The following CCDC177 variants were observed in gnomAD, a reference collection of about 807,000 sequenced individuals.
CCDC177 encodes the protein coiled-coil domain containing 177.
A neutral mutation model predicts 7.3 loss-of-function variants in CCDC177; 2 were observed. The observed-to-expected ratio is 0.28, with a 90% confidence interval of 0.11 to 0.87. The LOEUF (loss-of-function observed/expected upper bound fraction) is 0.87, where lower values mean the gene tolerates loss of function less well. CCDC177 is among the 40% of genes least tolerant of loss of function. The pLI, the probability that CCDC177 is intolerant of heterozygous loss-of-function variation, is 0.61. For missense variants in CCDC177, 874 were observed against 970.5 expected (o/e 0.90, Z 1.32); for synonymous variants, 401 against 449.2 (o/e 0.89, Z 1.36).
chr14:69,573,675 G>T, intron 1 of CCDC177, 25 bp from the exon 2 acceptor site: 1 of 1,231,632 alleles, frequency 8.1e-7, no homozygotes, highest in Non-Finnish European at 1.0e-6. Context: ...GAGGGACATC[G>T]AGGAATACGT....
chr14:69,571,692 A>T lies in CCDC177; in HGVS notation c.1931T>A (p.Leu644His). The change falls in exon 2 of 2, where the codon CTC (leucine) becomes CAC (histidine). Residue 644 changes from leucine to histidine, a missense_variant. Physicochemically the swap from Leu to His is moderately conservative, Grantham distance 99. Transcript: ENST00000599174. ...RDEDCRRREL[L>H]QAIGRKLERS... ...CTCCAGCTTGCGCCCGATGGCCTGG[A>T]GTAGCTCTCGCCGGCGGCAGTCTTC... is the stretch of plus-strand genomic sequence containing the variant. 1 of 1,231,946 alleles carries T rather than the reference A, an allele frequency of 8.1e-7. No homozygotes were observed. Among genetic ancestry groups the T allele is most frequent in the East Asian group, 3.2e-5 (1 of 31,688 alleles). The allele number at this position is 1,231,946 out of a possible 1,614,324, so 76.3% of individuals were successfully genotyped here. A position where few individuals can be genotyped will look rare whatever the true frequency, so the allele number is the denominator to read the frequency against.
At chr14:69,573,771 A>G in intron 1 of CCDC177, 121 bp from the exon 2 acceptor site, 2 of 931,810 alleles carry the variant, frequency 2.1e-6, no homozygotes, top group Non-Finnish European at 2.8e-6. Context: ...CTTTGGTGGA[A>G]CGTAAATCAT....
In CCDC177 at chr14:69,572,670, A is replaced by C; in HGVS notation, c.953T>G (p.Val318Gly). ...LSHSPQTAQH[V>G]ERIVRQVRAE... ...ACGCACTTGACGCACGATGCGCTCC[A>C]CGTGCTGAGCGGTCTGCGGCGAATG... The change falls in exon 2 of 2, where the codon GTG (valine) becomes GGG (glycine). Residue 318 changes from valine to glycine, a missense_variant. Val to Gly is a moderately radical substitution (Grantham distance 109, BLOSUM62 -3). Coordinates refer to ENST00000599174, the MANE Select transcript of CCDC177 (RefSeq NM_001271507.2). The C allele has an allele frequency of 1.6e-6, 2 of 1,231,338 alleles. No homozygotes were observed. Among genetic ancestry groups the C allele is most frequent in the Non-Finnish European group, 2.0e-6 (2 of 987,656 alleles). The allele number at this position is 1,231,338 out of a possible 1,614,324, so 76.3% of individuals were successfully genotyped here.
At position 69,572,085 on chromosome 14, in the gene CCDC177, T is replaced by A; in HGVS notation, c.1538A>T (p.Glu513Val). 8.1e-7 allele frequency: 1 copy of A among 1,230,578 alleles called. No homozygotes were observed. Among genetic ancestry groups the A allele is most frequent in the Non-Finnish European group, 1.0e-6 (1 of 987,218 alleles). The allele number at this position is 1,230,578 out of a possible 1,614,324, so 76.2% of individuals were successfully genotyped here. Residue 513 changes from glutamate to valine, a missense_variant, in exon 2 of 2, where the codon GAG becomes GTG. Transcript: ENST00000599174. ...CCGGGTCCGACCCTGTAGCAGCGCC[T>A]CGTGGCGCGCCCGCTCGGCCCGGCT... ...ELSRAERARH[E>V]ALLQGRTRQQ...
At position 69,571,348 on chromosome 14, in the gene CCDC177, G is replaced by T; in HGVS notation, c.*151C>A. On this transcript the variant is annotated 3_prime_UTR_variant, in exon 2 of 2. Transcript: ENST00000599174. ...AAAAACAAAGGGGGCCAGCTGACAG[G>T]TCCCAAACGTCTGTACTGTTGTTGC... 1.7e-6 allele frequency: 1 copy of T among 571,482 alleles called. No homozygotes were observed. The highest frequency in any genetic ancestry group is 3.0e-6 in the Non-Finnish European group (1 of 337,204). The allele number at this position is 571,482 out of a possible 1,614,324, so 35.4% of individuals were successfully genotyped here. A position where few individuals can be genotyped will look rare whatever the true frequency, so the allele number is the denominator to read the frequency against.
chr14:69,572,279 C>T lies in CCDC177; in HGVS notation c.1344G>A (p.Arg448=). 8.1e-7 allele frequency: 1 copy of T among 1,228,944 alleles called. No homozygotes were observed. The highest frequency in any genetic ancestry group is 1.0e-6 in the Non-Finnish European group (1 of 986,298). The allele number at this position is 1,228,944 out of a possible 1,614,324, so 76.1% of individuals were successfully genotyped here. A position where few individuals can be genotyped will look rare whatever the true frequency, so the allele number is the denominator to read the frequency against. ...GCTGAAGCTTGCGCAGCCGATCCTC[C>T]CGGGCCGCGCGCTCCGCCCGCTCCC... is the stretch of plus-strand genomic sequence containing the variant. ...LRRERAERAA[R]EDRLRKLQQE... is the part of the protein sequence containing the mutation. Residue 448 remains arginine (R), a synonymous_variant, in exon 2 of 2, where the codon CGG becomes CGA. Transcript: ENST00000599174.
In CCDC177 at chr14:69,571,050, T is replaced by A. The variant is rs959921424; in HGVS notation, c.*449A>T. The A allele has an allele frequency of 4.3e-6, 2 of 467,920 alleles. No individual in the cohort carries two copies. Among genetic ancestry groups the A allele is most frequent in the Non-Finnish European group, 8.5e-6 (2 of 234,628 alleles). 29.0% of individuals were successfully genotyped at this position (467,920 alleles called of 1,614,324 possible). Reference sequence around the variant, plus strand: ...CTTGCCATATTTTGAAAGATGGAGGTGAGCCAGGGTGATGTTCCCTCAGCA... The same window carrying A: ...CTTGCCATATTTTGAAAGATGGAGGAGAGCCAGGGTGATGTTCCCTCAGCA... On this transcript the variant is annotated 3_prime_UTR_variant, in exon 2 of 2. Coordinates refer to ENST00000599174, the MANE Select transcript of CCDC177 (RefSeq NM_001271507.2).
At position 69,572,018 on chromosome 14, in the gene CCDC177, T is replaced by G; in HGVS notation, c.1605A>C (p.Glu535Asp). Residue 535 changes from glutamate to aspartate, a missense_variant, in exon 2 of 2, where the codon GAA (glutamate) becomes GAC (aspartate). By Grantham distance (45) the Glu-to-Asp change is conservative. Coordinates refer to ENST00000599174, the MANE Select transcript of CCDC177 (RefSeq NM_001271507.2). ...QEREGLRSSL[E>D]ASLGRAQENY... Reference sequence around the variant, plus strand: ...TCTCCTGCGCACGGCCCAAACTGGCTTCCAGCGAGCTCCGCAGGCCCTCTC... The same window carrying G: ...TCTCCTGCGCACGGCCCAAACTGGCGTCCAGCGAGCTCCGCAGGCCCTCTC... 1 of 1,231,160 alleles carries G rather than the reference T, an allele frequency of 8.1e-7. No homozygotes were observed. 76.3% of individuals were successfully genotyped at this position (1,231,160 alleles called of 1,614,324 possible). A position where few individuals can be genotyped will look rare whatever the true frequency, so the allele number is the denominator to read the frequency against.
In CCDC177 at chr14:69,572,833, G is replaced by A; in HGVS notation, c.790C>T (p.Arg264Cys). 1 of 1,230,956 alleles carries A rather than the reference G, an allele frequency of 8.1e-7. No homozygotes were observed. The allele number at this position is 1,230,956 out of a possible 1,614,324, so 76.3% of individuals were successfully genotyped here. The change falls in exon 2 of 2, where the codon CGC becomes TGC. Residue 264 changes from arginine to cysteine, a missense_variant. Arg to Cys is a radical substitution (Grantham distance 180). Transcript: ENST00000599174. ...CTGGCCGAGGCCCGAGGCGGCCAGCGCAGCTCCCTCAAGCTTTCCCCACTG... is the reference window on the plus strand; with the variant it reads ...CTGGCCGAGGCCCGAGGCGGCCAGCACAGCTCCCTCAAGCTTTCCCCACTG... Reference protein sequence around the residue: ...SYSGESLRELRWPPRASARNS... With the variant: ...SYSGESLRELCWPPRASARNS...
rs1486103725 is a variant in CCDC177 at position 69,571,154 on chromosome 14, C to G, written c.*345G>C. ...GCAGAAGGGGTGGGGACAACCACCT[C>G]TGCCCTCTCCTGGGGGGCCCTCTCA... On this transcript the variant is annotated 3_prime_UTR_variant, in exon 2 of 2. Transcript: ENST00000599174. The G allele has an allele frequency of 2.0e-6, 1 of 503,392 alleles. No individual in the cohort carries two copies. The highest frequency in any genetic ancestry group is 3.7e-6 in the Non-Finnish European group (1 of 268,520). The allele number at this position is 503,392 out of a possible 1,614,324, so 31.2% of individuals were successfully genotyped here.
rs1884333987 is a variant in CCDC177, at chr14:69,571,972, G to T, written c.1651C>A (p.Gln551Lys). 2.4e-6 allele frequency: 3 copies of T among 1,231,720 alleles called. No homozygotes were observed. The highest frequency in any genetic ancestry group is 4.2e-5 in the Admixed American group (1 of 23,690). The allele number at this position is 1,231,720 out of a possible 1,614,324, so 76.3% of individuals were successfully genotyped here. A position where few individuals can be genotyped will look rare whatever the true frequency, so the allele number is the denominator to read the frequency against. The change falls in exon 2 of 2, where the codon CAG (glutamine) becomes AAG (lysine). Residue 551 changes from glutamine to lysine, a missense_variant. By Grantham distance (53) the Gln-to-Lys change is moderately conservative. Coordinates refer to ENST00000599174, the MANE Select transcript of CCDC177 (RefSeq NM_001271507.2). Reference sequence around the variant, plus strand: ...CGCTCCCGCAGCTCCCGGGTGCGCTGCTCCACCAAATGCTCGTAGTTCTCC... The same window carrying T: ...CGCTCCCGCAGCTCCCGGGTGCGCTTCTCCACCAAATGCTCGTAGTTCTCC... ...AQENYEHLVE[Q>K]RTRELRERAR...
Position 69,570,476 on chromosome 14 carries a change from G to A in CCDC177, c.*1023C>T, listed in dbSNP as rs968583333. The A allele has an allele frequency of 3.9e-6, 1 of 254,896 alleles. No homozygotes were observed. Among genetic ancestry groups the A allele is most frequent in the African/African-American group, 2.2e-5 (1 of 45,490 alleles). The allele number at this position is 254,896 out of a possible 1,614,324, so 15.8% of individuals were successfully genotyped here. On this transcript the variant is annotated 3_prime_UTR_variant, in exon 2 of 2. Coordinates refer to ENST00000599174, the MANE Select transcript of CCDC177 (RefSeq NM_001271507.2). The stretch of plus-strand genomic sequence containing the variant: ...CCAGCTCTTCGGCCACCACAGTAAA[G>A]CAGCCAAGGATACCCTAATTGTCCT...
rs1477709281 is a variant in CCDC177, at chr14:69,572,691, G to A, written c.932C>T (p.Ser311Leu). The change falls in exon 2 of 2, where the codon TCG becomes TTG. Residue 311 changes from serine (S) to leucine (L), a missense_variant. Ser to Leu is a moderately radical substitution (Grantham distance 145). Coordinates refer to ENST00000599174, the MANE Select transcript of CCDC177 (RefSeq NM_001271507.2). ...CTCCACGTGCTGAGCGGTCTGCGGC[G>A]AATGGCTCAGGTCGCCGAGGCTGAA... ...RSFSLGDLSHSPQTAQHVERI... is the reference protein window; with the variant it reads ...RSFSLGDLSHLPQTAQHVERI... 2.4e-6 allele frequency: 3 copies of A among 1,231,338 alleles called. No individual in the cohort carries two copies. The highest frequency in any genetic ancestry group is 3.2e-5 in the East Asian group (1 of 31,706). The allele number at this position is 1,231,338 out of a possible 1,614,324, so 76.3% of individuals were successfully genotyped here.
At position 69,572,928 on chromosome 14, in the gene CCDC177, G is replaced by A. The variant is rs1665692116; in HGVS notation, c.695C>T (p.Ser232Leu). Residue 232 changes from serine (S) to leucine (L), a missense_variant, in exon 2 of 2, where the codon TCG becomes TTG. Coordinates refer to ENST00000599174, the MANE Select transcript of CCDC177 (RefSeq NM_001271507.2). ...ACGCCGGCGGGACAGTGAGTCCAGC[G>A]AATGGCTCTTCCTGCCTGTTCGAGA... is the stretch of plus-strand genomic sequence containing the variant. Reference protein sequence around the residue: ...AGSRTGRKSHSLDSLSRRREG... With the variant: ...AGSRTGRKSHLLDSLSRRREG... The A allele has an allele frequency of 1.2e-5, 15 of 1,231,420 alleles. No homozygotes were observed. The highest frequency in any genetic ancestry group is 1.5e-5 in the Non-Finnish European group (15 of 987,788). The allele number at this position is 1,231,420 out of a possible 1,614,324, so 76.3% of individuals were successfully genotyped here. A position where few individuals can be genotyped will look rare whatever the true frequency, so the allele number is the denominator to read the frequency against.
rs1234287497 is a variant in CCDC177, at chr14:69,571,957, G to A, written c.1666C>T (p.Leu556=). ...EHLVEQRTRE[L]RERARREELQ... ...TCCTCTCGCCGGGCCCGCTCCCGCAGCTCCCGGGTGCGCTGCTCCACCAAA... is the reference window on the plus strand; with the variant it reads ...TCCTCTCGCCGGGCCCGCTCCCGCAACTCCCGGGTGCGCTGCTCCACCAAA... The change falls in exon 2 of 2, where the codon CTG becomes TTG. Residue 556 remains leucine, a synonymous_variant. Transcript: ENST00000599174. 2.4e-6 allele frequency: 3 copies of A among 1,231,752 alleles called. No individual in the cohort carries two copies. The highest frequency in any genetic ancestry group is 3.0e-6 in the Non-Finnish European group (3 of 988,338). 76.3% of individuals were successfully genotyped at this position (1,231,752 alleles called of 1,614,324 possible).
rs1884312308 is a variant in CCDC177, at chr14:69,570,993, G to A, written c.*506C>T. The A allele has an allele frequency of 2.2e-6, 1 of 460,350 alleles. No individual in the cohort carries two copies. 28.5% of individuals were successfully genotyped at this position (460,350 alleles called of 1,614,324 possible). A position where few individuals can be genotyped will look rare whatever the true frequency, so the allele number is the denominator to read the frequency against. Reference sequence around the variant, plus strand: ...TGGCTTGACACCTTGGAGGAGCTGTGTTTCTCTGGGAGGCCTCCGCGATTT... The same window carrying A: ...TGGCTTGACACCTTGGAGGAGCTGTATTTCTCTGGGAGGCCTCCGCGATTT... On this transcript the variant is annotated 3_prime_UTR_variant, in exon 2 of 2. Transcript: ENST00000599174.
intron 1 of CCDC177, among the ~76,000 whole-genome samples, chr14:69,574,151 C>T (rs1164320016): frequency 6.6e-6 from 1 of 152,170 alleles, no homozygotes; most frequent in Admixed American, 6.5e-5. Context: ...GTTGATTTCC[C>T]CTGCCAAAGG....
chr14:69,571,905 G>A lies in CCDC177; in HGVS notation c.1718C>T (p.Ala573Val). 2.4e-6 allele frequency: 3 copies of A among 1,231,684 alleles called. No homozygotes were observed. Among genetic ancestry groups the A allele is most frequent in the Non-Finnish European group, 3.0e-6 (3 of 988,008 alleles). 76.3% of individuals were successfully genotyped at this position (1,231,684 alleles called of 1,614,324 possible). Reference protein sequence around the residue: ...EELQGRRAKEAAERKEREHQA... With the variant: ...EELQGRRAKEVAERKEREHQA... ...ATGTTCCCGCTCTTTGCGCTCTGCC[G>A]CCTCCTTGGCCCGCCGACCCTGCAG... Residue 573 changes from alanine (A) to valine (V), a missense_variant, in exon 2 of 2, where the codon GCG becomes GTG. Physicochemically the swap from Ala to Val is moderately conservative, Grantham distance 64. Transcript: ENST00000599174.
At position 69,574,528 on chromosome 14, in the gene CCDC177, G is replaced by A. The variant is rs1338624191; in HGVS notation, c.-29+14C>T. 6.6e-6 allele frequency: 1 copy of A among 152,314 alleles called. No homozygotes were observed. The highest frequency in any genetic ancestry group is 1.5e-5 in the Non-Finnish European group (1 of 68,116). The allele number at this position is 152,314 out of a possible 1,614,324, so 9.4% of individuals were successfully genotyped here. A position where few individuals can be genotyped will look rare whatever the true frequency, so the allele number is the denominator to read the frequency against. On this transcript the variant is annotated intron_variant, in intron 1 of 1. Transcript: ENST00000599174. ...GGTTCCCGCAGCTCCCGGTACCCGA[G>A]CCGGTTTACTCACCCCGCGTCCTGG...
Sources: allele counts gnomAD v4.1 joint callset (sites outside exome capture counted in the v4.1 genomes callset), GRCh38; gene constraint gnomAD v4.1.1; transcripts MANE v1.5; gene names NCBI Gene and HGNC (gene_info 2026-07-23, HGNC 2026-07-21).